Variants in TCF25 observed in about 807,000 individuals in gnomAD.
TCF25 encodes ribosome quality control complex subunit TCF25.
In TCF25, 41 loss-of-function variants were observed where a neutral mutation model predicts 83.1. The ratio of observed to expected loss-of-function variants is 0.49; its 90% CI spans 0.38 to 0.64. TCF25 has a LOEUF of 0.64. TCF25 is among the 30% of genes least tolerant of loss of function. The pLI, the probability that TCF25 is intolerant of heterozygous loss-of-function variation, is 0.00. For missense variants in TCF25, 979 were observed against 914.5 expected (o/e 1.07, Z -0.91); for synonymous variants, 458 against 365.0 (o/e 1.25, Z -2.90).
intron 12 of TCF25, among the ~76,000 whole-genome samples, chr16:89,903,764 G>T (rs182740021): frequency 6.6e-6 from 1 of 152,094 alleles, no homozygotes; most frequent in Non-Finnish European, 1.5e-5. Flanking sequence ...CCGAGATTTC[G>T]CCAACGCACT....
At chr16:89,910,356 A>T in intron 16 of TCF25, 6 of 565,826 alleles carry the variant, frequency 1.1e-5, no homozygotes. Context: ...GCCTCAGCTG[A>T]GTTGGTCTCC....
At chr16:89,906,646 C>G (rs2044810649) in intron 15 of TCF25, among the ~76,000 whole-genome samples, 1 of 152,148 alleles carries the variant, frequency 6.6e-6, no homozygotes, top group South Asian at 2.1e-4. Flanking sequence ...GTTTCTGTCT[C>G]AAAACCTAAG....
intron 16 of TCF25, 107 bp from the exon 17 acceptor site, chr16:89,910,484 T>G: frequency 8.5e-7 from 1 of 1,181,664 alleles, no homozygotes; most frequent in Non-Finnish European, 1.2e-6. Flanking sequence ...TGGCGGCCCC[T>G]CCGTGTCCCT....
intron 8 of TCF25, 86 bp from the exon 9 acceptor site, chr16:89,895,904 C>G: frequency 7.8e-7 from 1 of 1,286,836 alleles, no homozygotes; most frequent in Non-Finnish European, 1.1e-6. Flanking sequence ...CCGTCCAGAC[C>G]TTTCCTTGTT....
chr16:89,884,930 C>G (rs1450714475), intron 3 of TCF25, among the ~76,000 whole-genome samples: 2 of 85,614 alleles, frequency 2.3e-5, no homozygotes, highest in African/African-American at 6.4e-5. Flanking sequence ...CGCCCTCTCC[C>G]TCTGCCTGAC....
chr16:89,875,774 G>A (rs1226441091), intron 1 of TCF25, among the ~76,000 whole-genome samples: 36 of 147,676 alleles, frequency 2.4e-4, no homozygotes, highest in South Asian at 1.1e-3. Flanking sequence ...CGCCTGCCTC[G>A]GCCTCCCAAA....
intron 16 of TCF25, 174 bp from the exon 17 acceptor site, chr16:89,910,417 C>T (rs2045463805): frequency 3.1e-6 from 2 of 652,108 alleles, no homozygotes; most frequent in Admixed American, 2.5e-5. Flanking sequence ...ATGAGGAAGC[C>T]TCACGGGCCA....
chr16:89,893,685 C>T, intron 6 of TCF25, 43 bp from the exon 7 acceptor site: 1 of 1,612,506 alleles, frequency 6.2e-7, no homozygotes, highest in Non-Finnish European at 8.5e-7. Flanking sequence ...CTGCCCACGT[C>T]CCTGCTCCCG....
intron 5 of TCF25, chr16:89,890,782 CTG>C (rs1445753461): frequency 6.6e-6 from 1 of 152,040 alleles, no homozygotes; most frequent in Non-Finnish European, 1.5e-5. Flanking sequence ...AGTATTATAA[CTG>C]TTAATACTGA....
chr16:89,894,394 C>T (rs898877986), intron 7 of TCF25, among the ~76,000 whole-genome samples: 1 of 151,876 alleles, frequency 6.6e-6, no homozygotes, highest in East Asian at 1.9e-4. Flanking sequence ...AGACAGCCCC[C>T]GGGCGGCCCT....
At chr16:89,888,817 G>A (rs2043204332) in intron 5 of TCF25, among the ~76,000 whole-genome samples, 1 of 149,494 alleles carries the variant, frequency 6.7e-6, no homozygotes, top group African/African-American at 2.5e-5. Flanking sequence ...GGGATTGCAG[G>A]TGCACGCCAC....
intron 4 of TCF25, 111 bp from the exon 5 acceptor site, chr16:89,887,541 C>A: frequency 9.1e-7 from 1 of 1,094,850 alleles, no homozygotes; most frequent in Non-Finnish European, 1.2e-6. Context: ...AGCTGCCTTT[C>A]AAACCAAAAA....
At chr16:89,899,012 C>T (rs1308498105) in intron 11 of TCF25, 140 bp downstream of exon 11, 6 of 802,324 alleles carry the variant, frequency 7.5e-6, no homozygotes, top group Non-Finnish European at 1.2e-5. Flanking sequence ...CGTCCTCCTG[C>T]CTTGTTTGTC....
Position 89,900,659 on chromosome 16 carries a change from C to T in TCF25, c.1246C>T (p.Pro416Ser), listed in dbSNP as rs372780230. 1.9e-6 allele frequency: 3 copies of T among 1,596,754 alleles called. No homozygotes were observed. The highest frequency in any genetic ancestry group is 1.7e-5 in the Admixed American group (1 of 59,750). Residue 416 changes from proline (P) to serine (S), a missense_variant, in exon 12 of 18, where the codon CCT becomes TCT. Physicochemically the swap from Pro to Ser is moderately conservative, Grantham distance 74. Coordinates refer to ENST00000263346, the MANE Select transcript of TCF25 (RefSeq NM_014972.3). ...GGCTCATCGGAACCTGTCCCAGCTC[C>T]CTAATTTTGCCTTCTCTGTTCCACT... ...WEAHRNLSQLPNFAFSVPLAY... is the reference protein window; with the variant it reads ...WEAHRNLSQLSNFAFSVPLAY...
At chr16:89,907,221 C>T (rs374408105) in intron 15 of TCF25, 22 bp from the exon 16 acceptor site, 35 of 1,611,764 alleles carry the variant, frequency 2.2e-5, no homozygotes, top group African/African-American at 8.0e-5. Context: ...GTAGCATCTT[C>T]GTTTTATGTC....
intron 1 of TCF25, among the ~76,000 whole-genome samples, chr16:89,875,192 T>C (rs1320215987): frequency 6.6e-6 from 1 of 152,228 alleles, no homozygotes; most frequent in Non-Finnish European, 1.5e-5. Flanking sequence ...TTTTTGTCAA[T>C]GTAATTTGTG....
rs546735746 is a variant in TCF25, at chr16:89,883,420, G to T, written c.262G>T (p.Ala88Ser). 1.9e-6 allele frequency: 3 copies of T among 1,614,078 alleles called. No individual in the cohort carries two copies. Among genetic ancestry groups the T allele is most frequent in the Non-Finnish European group, 2.5e-6 (3 of 1,180,034 alleles). ...GAGGTCTGGCTGTGCGCTCACAGAC[G>T]CTGTGGCACCAGGGAACAAAGGAAG... ...GERSGCALTDAVAPGNKGRGQ... is the reference protein window; with the variant it reads ...GERSGCALTDSVAPGNKGRGQ... Residue 88 changes from alanine to serine, a missense_variant, in exon 2 of 18, where the codon GCT becomes TCT. By Grantham distance (99) the Ala-to-Ser change is moderately conservative. Transcript: ENST00000263346.
intron 6 of TCF25, among the ~76,000 whole-genome samples, chr16:89,893,001 A>T (rs1345419320): frequency 6.6e-6 from 1 of 152,168 alleles, no homozygotes; most frequent in African/African-American, 2.4e-5. Context: ...CACATCTAGG[A>T]GCGAGGCCTG....
At chr16:89,875,679 C>T (rs900447489) in intron 1 of TCF25, among the ~76,000 whole-genome samples, 7 of 151,550 alleles carry the variant, frequency 4.6e-5, no homozygotes, top group African/African-American at 1.2e-4. Flanking sequence ...CCCGCCACCA[C>T]GCCTGGCTAA....
Sources: gnomAD v4.1 joint callset for allele counts (sites outside exome capture counted in the v4.1 genomes callset) on GRCh38, gnomAD v4.1.1 for gene constraint, MANE v1.5 for transcripts, NCBI Gene and HGNC (gene_info 2026-07-23, HGNC 2026-07-21) for gene names.